Variants in TMEM272 observed in about 807,000 individuals in gnomAD.
The protein encoded by TMEM272 is long intergenic non-protein coding RNA 282.
A neutral mutation model predicts 3.7 loss-of-function variants in TMEM272; 8 were observed. The ratio of observed to expected loss-of-function variants is 2.17; its 90% confidence interval spans 1.27 to 3.91. The LOEUF (loss-of-function observed/expected upper bound fraction) is 3.91. Among genes scored for constraint, TMEM272 ranks in the 30% most tolerant of loss-of-function variants. TMEM272 has a pLI of 0.00. For missense variants in TMEM272, 166 were observed against 91.5 expected (o/e 1.81, Z -3.32); for synonymous variants, 63 against 39.8 (o/e 1.58, Z -2.20).
the TMEM272 span, among the ~76,000 whole-genome samples, chr13:51,897,982 T>C: frequency 6.8e-6 from 1 of 146,440 alleles, no homozygotes; most frequent in East Asian, 2.0e-4. Context: ...TCCAGCACTT[T>C]GGGAGGCTGA....
the TMEM272 span, among the ~76,000 whole-genome samples, chr13:51,888,663 T>TTG: frequency 1.4e-5 from 1 of 72,896 alleles, no homozygotes; most frequent in Non-Finnish European, 2.9e-5. Flanking sequence ...TTTTTTTTTT[T>TTG]GAGATGGAGT....
chr13:51,867,339 C>T, the TMEM272 span, among the ~76,000 whole-genome samples: 2 of 152,162 alleles, frequency 1.3e-5, no homozygotes, highest in Admixed American at 6.5e-5. Flanking sequence ...GGGCCAGGAC[C>T]AAAACCCACA....
the TMEM272 span, among the ~76,000 whole-genome samples, chr13:51,925,167 A>G: frequency 1.3e-5 from 2 of 151,960 alleles, no homozygotes; most frequent in Non-Finnish European, 2.9e-5. Context: ...TTTTCCCAAA[A>G]CTCCACTGCC....
chr13:51,837,908 A>G (rs940702768), intron 2 of TMEM272, among the ~76,000 whole-genome samples: 2 of 152,208 alleles, frequency 1.3e-5, no homozygotes, highest in Non-Finnish European at 2.9e-5. Flanking sequence ...TCCACATTTC[A>G]TCTGTAAAAG....
the TMEM272 span, chr13:51,909,280 C>T: frequency 9.6e-7 from 1 of 1,037,774 alleles, no homozygotes; most frequent in African/African-American, 1.6e-5. Flanking sequence ...ATAATCTTCC[C>T]TTGATAAAAA....
At chr13:51,849,049 A>G (rs1448692112), upstream of TMEM272, among the ~76,000 whole-genome samples, 1 of 152,196 alleles carries the variant, frequency 6.6e-6, no homozygotes, top group Non-Finnish European at 1.5e-5. Context: ...TGAGTCAAAA[A>G]GCATTTCAAT....
At chr13:51,901,120 T>G in the TMEM272 span, among the ~76,000 whole-genome samples, 1 of 152,184 alleles carries the variant, frequency 6.6e-6, no homozygotes, top group Non-Finnish European at 1.5e-5. Flanking sequence ...GTGAATTATA[T>G]CTCAATAAAA....
upstream of TMEM272, among the ~76,000 whole-genome samples, chr13:51,846,449 G>C (rs1025976033): frequency 6.6e-6 from 1 of 152,142 alleles, no homozygotes; most frequent in African/African-American, 2.4e-5. Flanking sequence ...TCACATAAAA[G>C]TAAAGTACAT....
the TMEM272 span, among the ~76,000 whole-genome samples, chr13:51,887,800 G>T: frequency 6.6e-6 from 1 of 152,202 alleles, no homozygotes; most frequent in Non-Finnish European, 1.5e-5. Flanking sequence ...CATTCTGGAA[G>T]ATTTCAGGCC....
At chr13:51,931,886 T>C in the TMEM272 span, among the ~76,000 whole-genome samples, 3 of 152,166 alleles carry the variant, frequency 2.0e-5, no homozygotes, top group South Asian at 4.2e-4. Context: ...CAGAGATGTG[T>C]AGGTACCAAG....
the TMEM272 span, among the ~76,000 whole-genome samples, chr13:51,918,418 C>CGG: frequency 1.3e-5 from 2 of 151,946 alleles, no homozygotes; most frequent in African/African-American, 4.8e-5. Context: ...ACATGGCATC[C>CGG]GGGATTTACT....
At chr13:51,844,787 T>C (rs1956290852) in intron 1 of TMEM272, among the ~76,000 whole-genome samples, 1 of 152,192 alleles carries the variant, frequency 6.6e-6, no homozygotes, top group African/African-American at 2.4e-5. Flanking sequence ...CTGCAGTTAA[T>C]TATTCCTTTA....
the TMEM272 span, among the ~76,000 whole-genome samples, chr13:51,891,860 G>A: frequency 3.9e-5 from 6 of 152,304 alleles, no homozygotes; most frequent in East Asian, 7.7e-4. Context: ...TGGGCAGTGG[G>A]GGTTGGAGGG....
At chr13:51,914,720 C>T in the TMEM272 span, among the ~76,000 whole-genome samples, 1 of 152,270 alleles carries the variant, frequency 6.6e-6, no homozygotes, top group Non-Finnish European at 1.5e-5. Context: ...GGAGTGTGGC[C>T]CACAGAGCAG....
At chr13:51,825,194 C>A (rs1303807256) in intron 3 of TMEM272, among the ~76,000 whole-genome samples, 1 of 152,194 alleles carries the variant, frequency 6.6e-6, no homozygotes, top group Non-Finnish European at 1.5e-5. Context: ...TTCACTCTTA[C>A]ACTAAATGGC....
chr13:51,881,091 C>T, the TMEM272 span, among the ~76,000 whole-genome samples: 1 of 152,132 alleles, frequency 6.6e-6, no homozygotes, highest in Non-Finnish European at 1.5e-5. Flanking sequence ...AAGCCAGTAA[C>T]AATCACCAAG....
chr13:51,823,196 A>G (rs893970198), intron 3 of TMEM272, among the ~76,000 whole-genome samples: 2 of 152,246 alleles, frequency 1.3e-5, no homozygotes, highest in Non-Finnish European at 2.9e-5. Flanking sequence ...CTCCCACCTC[A>G]GCCTCCTGAG....
chr13:51,834,909 T>C (rs974256445), intron 2 of TMEM272, among the ~76,000 whole-genome samples: 17 of 152,172 alleles, frequency 1.1e-4, no homozygotes, highest in African/African-American at 3.9e-4. Context: ...TCCTCCAGGG[T>C]GGCAGCAGGC....
At chr13:51,915,093 C>G in the TMEM272 span, among the ~76,000 whole-genome samples, 1 of 152,144 alleles carries the variant, frequency 6.6e-6, no homozygotes, top group Non-Finnish European at 1.5e-5. Context: ...ACCGCAAAAA[C>G]AGTAAACAAT....
Sources: gnomAD v4.1 joint callset for allele counts (sites outside exome capture counted in the v4.1 genomes callset) on GRCh38, gnomAD v4.1.1 for gene constraint, MANE v1.5 for transcripts, NCBI Gene and HGNC (gene_info 2026-07-23, HGNC 2026-07-21) for gene names.